COQ9: variants seen among roughly 807,000 people sequenced by gnomAD.
COQ9 encodes the protein ubiquinone biosynthesis protein COQ9, mitochondrial.
Under a neutral mutation model 42.4 loss-of-function variants are expected in COQ9, and 35 were observed. That is an observed-to-expected ratio of 0.83 (90% CI 0.63 to 1.10). The LOEUF (loss-of-function observed/expected upper bound fraction) is 1.10, where lower values mean the gene tolerates loss of function less well. Ranked by LOEUF, COQ9 falls within the 50% of genes least tolerant of loss-of-function variation. COQ9 has a pLI of 0.00. For missense variants in COQ9, 406 were observed against 414.6 expected (o/e 0.98, Z 0.18); for synonymous variants, 155 against 155.1 (o/e 1.00, Z 0.00).
rs752070472 is a variant in COQ9, at chr16:57,459,724, G to T, written c.867+4G>T. On this transcript the variant is annotated splice_donor_region_variant and intron_variant, in intron 7 of 8. Coordinates refer to ENST00000262507, the MANE Select transcript of COQ9 (RefSeq NM_020312.4). ...CATGGGCCACACTGCCAAGCAGGTAGGTGGGGACTAGCCATTGGGGAACCC... is the reference window on the plus strand; with the variant it reads ...CATGGGCCACACTGCCAAGCAGGTATGTGGGGACTAGCCATTGGGGAACCC... The T allele has an allele frequency of 3.1e-6, 5 of 1,613,932 alleles. No individual in the cohort carries two copies. The highest frequency in any genetic ancestry group is 4.2e-6 in the Non-Finnish European group (5 of 1,179,918).
At position 57,453,460 on chromosome 16, in the gene COQ9, T is replaced by A. The variant is rs371851369; in HGVS notation, c.378+524T>A. On this transcript the variant is annotated intron_variant, in intron 3 of 8. Transcript: ENST00000262507. ...CATTTTCTGCATTAGTACAGACTGC[T>A]GCTTTAGATTAGGCAGCAGGCTCAT... 2.6e-3 allele frequency: 554 copies of A among 209,226 alleles called. 3 individuals are homozygous for A. The highest frequency in any genetic ancestry group is 0.012 in the African/African-American group (525 of 42,922). 13.0% of individuals were successfully genotyped at this position (209,226 alleles called of 1,614,324 possible). A position where few individuals can be genotyped will look rare whatever the true frequency, so the allele number is the denominator to read the frequency against.
intron 6 of COQ9, among the ~76,000 whole-genome samples, chr16:57,459,286 A>G (rs1468159129): frequency 6.6e-6 from 1 of 152,224 alleles, no homozygotes; most frequent in Non-Finnish European, 1.5e-5. Flanking sequence ...GATGTAGCCA[A>G]ATCATCTGGG....
At position 57,451,172 on chromosome 16, in the gene COQ9, A is replaced by G. The variant is rs1355130666; in HGVS notation, c.206A>G (p.Glu69Gly). 1 of 1,614,054 alleles carries G rather than the reference A, an allele frequency of 6.2e-7. No homozygotes were observed. The highest frequency in any genetic ancestry group is 2.2e-5 in the East Asian group (1 of 44,906). Reference sequence around the variant, plus strand: ...CAGCATTCTGAGACACAGGGGGCAGAAAAACCTGATCCAGAGTCTTCTCAT... The same window carrying G: ...CAGCATTCTGAGACACAGGGGGCAGGAAAACCTGATCCAGAGTCTTCTCAT... ...SQQHSETQGA[E>G]KPDPESSHSP... is the part of the protein sequence containing the mutation. The change falls in exon 2 of 9, where the codon GAA becomes GGA. Residue 69 changes from glutamate (E) to glycine (G), a missense_variant. Glu to Gly is a moderately conservative substitution (Grantham distance 98, BLOSUM62 -2). Transcript: ENST00000262507.
At chr16:57,450,412 C>CAAAAA (rs59815351) in intron 1 of COQ9, among the ~76,000 whole-genome samples, 10 of 92,402 alleles carry the variant, frequency 1.1e-4, no homozygotes, top group African/African-American at 1.9e-4. Context: ...GAGACTCTGA[C>CAAAAA]AAAAAAAAAA....
chr16:57,453,007 G>T (rs757230096), intron 3 of COQ9, 71 bp downstream of exon 3: 7 of 1,593,940 alleles, frequency 4.4e-6, no homozygotes, highest in Non-Finnish European at 6.0e-6. Context: ...GCAGAGCGGG[G>T]GGCCTCATGC....
At chr16:57,448,059 TAGG>T (rs1340499576) in intron 1 of COQ9, among the ~76,000 whole-genome samples, 4 of 152,208 alleles carry the variant, frequency 2.6e-5, no homozygotes, top group African/African-American at 9.6e-5. Flanking sequence ...TATTTTTAAA[TAGG>T]AGTTCTTAAA....
chr16:57,452,991 C>T (rs1393207699), intron 3 of COQ9, 55 bp downstream of exon 3: 5 of 1,609,880 alleles, frequency 3.1e-6, no homozygotes, highest in Middle Eastern at 2.1e-4. Context: ...GATGGAGTCA[C>T]ACCAGGCAGA....
Position 57,447,526 on chromosome 16 carries a change from T to A in COQ9, c.21T>A (p.Ser7=), listed in dbSNP as rs2030149928. Residue 7 remains serine, a synonymous_variant, in exon 1 of 9, where the codon TCT becomes TCA. Coordinates refer to ENST00000262507, the MANE Select transcript of COQ9 (RefSeq NM_020312.4). ...CCAAAATGGCGGCGGCGGCGGTATC[T>A]GGTGCGCTTGGCCGGGCGGGCTGGA... is the stretch of plus-strand genomic sequence containing the variant. MAAAAV[S]GALGRAGWRL... 2 of 1,310,976 alleles carry A rather than the reference T, an allele frequency of 1.5e-6. No individual in the cohort carries two copies. Among genetic ancestry groups the A allele is most frequent in the South Asian group, 2.5e-5 (1 of 40,504 alleles). 81.2% of individuals were successfully genotyped at this position (1,310,976 alleles called of 1,614,324 possible).
intron 1 of COQ9, chr16:57,450,645 A>G (rs2030263504): frequency 3.4e-6 from 1 of 290,954 alleles, no homozygotes; most frequent in Non-Finnish European, 6.7e-6. Context: ...CTCTTGCCAT[A>G]ATATATATAA....
At position 57,459,462 on chromosome 16, in the gene COQ9, G is replaced by A. The variant is rs548742274; in HGVS notation, c.712-103G>A. ...CAGAGGGCCAGATGTATCTGTGACA[G>A]TCAAGAAGTAGTCAAGAGGGAACCC... On this transcript the variant is annotated intron_variant, in intron 6 of 8. Coordinates refer to ENST00000262507, the MANE Select transcript of COQ9 (RefSeq NM_020312.4). The A allele has an allele frequency of 4.9e-5, 56 of 1,145,820 alleles. No homozygotes were observed. In the African/African-American group the frequency reaches 5.9e-4, roughly 12 times the overall value. The allele number at this position is 1,145,820 out of a possible 1,614,324, so 71.0% of individuals were successfully genotyped here. A position where few individuals can be genotyped will look rare whatever the true frequency, so the allele number is the denominator to read the frequency against.
At chr16:57,459,423 A>G in intron 6 of COQ9, 142 bp from the exon 7 acceptor site, 2 of 798,350 alleles carry the variant, frequency 2.5e-6, no homozygotes, top group South Asian at 3.0e-5. Flanking sequence ...CAAGTTTGAG[A>G]TGGTAGTGTT....
chr16:57,451,368 C>T (rs980694754), intron 2 of COQ9, among the ~76,000 whole-genome samples, 160 bp downstream of exon 2: 4 of 152,094 alleles, frequency 2.6e-5, no homozygotes, highest in East Asian at 3.8e-4. Flanking sequence ...GATGGCTTCT[C>T]GCTACGTTGA....
rs1417638968 is a variant in COQ9 at position 57,451,087 on chromosome 16, G to C, written c.121G>C (p.Ala41Pro). Reference sequence around the variant, plus strand: ...GGTGCCGCGTGCCTTCCATGCTTCAGCTGTGGGGCTAAGGTCTTCAGATGA... The same window carrying C: ...GGTGCCGCGTGCCTTCCATGCTTCACCTGTGGGGCTAAGGTCTTCAGATGA... ...ALVPRAFHAS[A>P]VGLRSSDEQK... is the part of the protein sequence containing the mutation. Residue 41 changes from alanine to proline, a missense_variant, in exon 2 of 9, where the codon GCT becomes CCT. Coordinates refer to ENST00000262507, the MANE Select transcript of COQ9 (RefSeq NM_020312.4). The C allele has an allele frequency of 6.2e-7, 1 of 1,614,150 alleles. No individual in the cohort carries two copies. Among genetic ancestry groups the C allele is most frequent in the Non-Finnish European group, 8.5e-7 (1 of 1,180,028 alleles).
chr16:57,455,498 C>T lies in COQ9; in HGVS notation c.379-1006C>T, dbSNP rs565931485. Among the ~76,000 whole-genome samples the T allele has an allele frequency of 5.3e-5, 8 of 151,186 alleles. No homozygotes were observed. In the South Asian group the frequency reaches 8.4e-4, roughly 16 times the overall value. On this transcript the variant is annotated intron_variant, in intron 3 of 8. Coordinates refer to ENST00000262507, the MANE Select transcript of COQ9 (RefSeq NM_020312.4). ...GAGGGGAGTCCAGACTCTCAAGGAA[C>T]GCGGACATTTAAGGGGAGAGTAGAA...
intron 3 of COQ9, among the ~76,000 whole-genome samples, chr16:57,455,044 A>G (rs3859049): frequency 0.059 from 8,941 of 152,214 alleles, 388 homozygotes; most frequent in African/African-American, 0.12. Context: ...AGAGAGACTC[A>G]TTGGGGGCTG....
At chr16:57,458,383 G>A in intron 6 of COQ9, 33 bp downstream of exon 6, 1 of 1,468,150 alleles carries the variant, frequency 6.8e-7, no homozygotes. Context: ...CAGGAGGCTG[G>A]GAAAGGCTTG....
intron 3 of COQ9, among the ~76,000 whole-genome samples, chr16:57,455,001 T>C (rs1357815552): frequency 6.6e-6 from 1 of 152,138 alleles, no homozygotes; most frequent in Non-Finnish European, 1.5e-5. Context: ...AATGCTCATT[T>C]TGGCTGCCAG....
At chr16:57,448,033 A>G (rs2030173220) in intron 1 of COQ9, among the ~76,000 whole-genome samples, 1 of 152,184 alleles carries the variant, frequency 6.6e-6, no homozygotes, top group Non-Finnish European at 1.5e-5. Context: ...CTTTGCCACT[A>G]TGTACTCAGT....
chr16:57,449,883 CAT>C (rs1413650102), intron 1 of COQ9, among the ~76,000 whole-genome samples: 1 of 152,140 alleles, frequency 6.6e-6, no homozygotes, highest in African/African-American at 2.4e-5. Flanking sequence ...TGTCAAAACT[CAT>C]AGAATGGTAC....
Sources: allele counts gnomAD v4.1 joint callset (sites outside exome capture counted in the v4.1 genomes callset), GRCh38; gene constraint gnomAD v4.1.1; transcripts MANE v1.5; gene names NCBI Gene and HGNC (gene_info 2026-07-23, HGNC 2026-07-21).